Variants in KCNK12 observed in about 807,000 individuals in gnomAD.
KCNK12 encodes the protein potassium channel subfamily K member 12.
A neutral mutation model predicts 25.3 loss-of-function variants in KCNK12; 6 were observed. The ratio of observed to expected loss-of-function variants is 0.24; its 90% CI spans 0.13 to 0.47. The LOEUF is 0.47. Among genes scored for constraint, KCNK12 ranks in the 20% least tolerant of loss-of-function variants. The pLI is 0.99. For missense variants in KCNK12, 444 were observed against 661.7 expected (o/e 0.67, Z 3.61); for synonymous variants, 331 against 311.1 (o/e 1.06, Z -0.67).
rs993355372 is a variant in KCNK12 at position 47,513,411 on chromosome 2, T to A, written c.*7496A>T. Among the ~76,000 whole-genome samples, 3 of 152,216 alleles carry A rather than the reference T, an allele frequency of 2.0e-5. No homozygotes were observed. Among genetic ancestry groups the A allele is most frequent in the Non-Finnish European group, 4.4e-5 (3 of 68,028 alleles). Reference sequence around the variant, plus strand: ...CCCTTGGCTTTGTGGCATCCTGTGCTCTTGGTTTTCTCCCATATCTCTGAC... The same window carrying A: ...CCCTTGGCTTTGTGGCATCCTGTGCACTTGGTTTTCTCCCATATCTCTGAC... On this transcript the variant is annotated 3_prime_UTR_variant, in exon 2 of 2. Transcript: ENST00000327876.
chr2:47,555,740 G>A lies in KCNK12; in HGVS notation c.391+14201C>T, dbSNP rs1379675747. On this transcript the variant is annotated intron_variant, in intron 1 of 1. Coordinates refer to ENST00000327876, the MANE Select transcript of KCNK12 (RefSeq NM_022055.2). This position sits in a 1 kb window ranked among gnomAD's most constrained non-coding sequence, Gnocchi z 4.5. ...GTAGGGGAAAAGCTTTTCCTCTACAGGTGAGAGATTGTTTGGAGACAGTCC... is the reference window on the plus strand; with the variant it reads ...GTAGGGGAAAAGCTTTTCCTCTACAAGTGAGAGATTGTTTGGAGACAGTCC... 3.9e-5 allele frequency: 6 copies of A among 152,160 alleles called. No individual in the cohort carries two copies. Among genetic ancestry groups the A allele is most frequent in the Admixed American group, 3.9e-4 (6 of 15,272 alleles). 9.4% of individuals were successfully genotyped at this position (152,160 alleles called of 1,614,324 possible).
At chr2:47,523,865 A>G (rs1439492199) in intron 1 of KCNK12, among the ~76,000 whole-genome samples, 1 of 152,248 alleles carries the variant, frequency 6.6e-6, no homozygotes, top group African/African-American at 2.4e-5. Flanking sequence ...GTGCTCTGCC[A>G]GTGGGGTGGG....
chr2:47,553,665 A>G (rs181515792), intron 1 of KCNK12, among the ~76,000 whole-genome samples: 187 of 152,360 alleles, frequency 1.2e-3, no homozygotes, highest in Non-Finnish European at 2.0e-3. Flanking sequence ...TAAAATAGTC[A>G]TGATCACATT....
At chr2:47,541,121 G>A (rs1482996901) in intron 1 of KCNK12, among the ~76,000 whole-genome samples, 1 of 152,196 alleles carries the variant, frequency 6.6e-6, no homozygotes, top group Non-Finnish European at 1.5e-5. Context: ...GCCATTCATT[G>A]CTGTAGAGCT....
Position 47,509,826 on chromosome 2 carries a change from TC to T in KCNK12, c.*11080del, listed in dbSNP as rs914715936. ...CCAATTTGTGTAAGGCCAGGGGACTTCCCCCCCACTCCCCAACCTGAGGCAT... is the reference window on the plus strand; with the variant it reads ...CCAATTTGTGTAAGGCCAGGGGACTTCCCCCCACTCCCCAACCTGAGGCAT... On this transcript the variant is annotated 3_prime_UTR_variant, in exon 2 of 2. Coordinates refer to ENST00000327876, the MANE Select transcript of KCNK12 (RefSeq NM_022055.2). Among the ~76,000 whole-genome samples the T allele has an allele frequency of 1.3e-5, 2 of 151,692 alleles. No individual in the cohort carries two copies. Among genetic ancestry groups the T allele is most frequent in the Non-Finnish European group, 1.5e-5 (1 of 67,922 alleles).
At chr2:47,561,695 G>A (rs1377564892) in intron 1 of KCNK12, among the ~76,000 whole-genome samples, 1 of 152,228 alleles carries the variant, frequency 6.6e-6, no homozygotes, top group Non-Finnish European at 1.5e-5. Flanking sequence ...AGTCTTTAAA[G>A]TAACCCCATG....
In KCNK12 at chr2:47,555,447, C is replaced by G. The variant is rs1372108012; in HGVS notation, c.391+14494G>C. Among the ~76,000 whole-genome samples, 1 of 152,220 alleles carries G rather than the reference C, an allele frequency of 6.6e-6. No individual in the cohort carries two copies. The highest frequency in any genetic ancestry group is 1.5e-5 in the Non-Finnish European group (1 of 68,042). On this transcript the variant is annotated intron_variant, in intron 1 of 1. Coordinates refer to ENST00000327876, the MANE Select transcript of KCNK12 (RefSeq NM_022055.2). This position sits in a 1 kb window ranked among gnomAD's most constrained non-coding sequence, Gnocchi z 4.5. ...CTCTAGAGATTTTACAAGATTGAGT[C>G]TGCATAACAAACCTTACTAAAACCA... is the stretch of plus-strand genomic sequence containing the variant.
chr2:47,533,823 C>CTTGGTCCATCCAA lies in KCNK12; in HGVS notation c.392-12016_392-12015insTTGGATGGACCAA, dbSNP rs1157684314. On this transcript the variant is annotated intron_variant, in intron 1 of 1. Coordinates refer to ENST00000327876, the MANE Select transcript of KCNK12 (RefSeq NM_022055.2). This position sits in a 1 kb window ranked among gnomAD's most constrained non-coding sequence, Gnocchi z 4.7. ...GATTTGCAGAGCTGGATGGACTGCT[C>CTTGGTCCATCCAA]CCTGAGGACAGAAGCTCTTGGTTTT... Among the ~76,000 whole-genome samples, 6 of 152,172 alleles carry CTTGGTCCATCCAA rather than the reference C, an allele frequency of 3.9e-5. No homozygotes were observed. The highest frequency in any genetic ancestry group is 1.4e-4 in the African/African-American group (6 of 41,428).
chr2:47,534,363 G>A (rs907737353), intron 1 of KCNK12, among the ~76,000 whole-genome samples: 1 of 151,886 alleles, frequency 6.6e-6, no homozygotes, highest in African/African-American at 2.4e-5. Flanking sequence ...ACCTCTCCTG[G>A]GGAGCAGCTG....
At position 47,521,519 on chromosome 2, in the gene KCNK12, CAGCAGCACGGCGAACAGGCCCAGGATG is replaced by C; in HGVS notation, c.654_680del (p.Ile219_Leu227del). The C allele has an allele frequency of 6.3e-7, 1 of 1,580,940 alleles. No homozygotes were observed. Among genetic ancestry groups the C allele is most frequent in the Non-Finnish European group, 8.6e-7 (1 of 1,163,666 alleles). On this transcript the variant is annotated inframe_deletion, in exon 2 of 2. Transcript: ENST00000327876. ...TGTACATGGCCGAGGCGCAGCAGGA[CAGCAGCACGGCGAACAGGCCCAGGATG>C]AGCAGCACGTGGTACACCGAGGGCT...
In KCNK12 at chr2:47,551,662, AC is replaced by A. The variant is rs1669435599; in HGVS notation, c.391+18278del. ...AAGTATGACGTGTGAAATCAGTATT[AC>A]CCCCTACCCCACACGGCACCATATT... On this transcript the variant is annotated intron_variant, in intron 1 of 1. Transcript: ENST00000327876. This position sits in a 1 kb window ranked among gnomAD's most constrained non-coding sequence, Gnocchi z 5.3. Among the ~76,000 whole-genome samples the A allele has an allele frequency of 1.3e-5, 2 of 151,930 alleles. No homozygotes were observed. The highest frequency in any genetic ancestry group is 2.9e-5 in the Non-Finnish European group (2 of 67,990).
In KCNK12 at chr2:47,513,998, C is replaced by T. The variant is rs530707896; in HGVS notation, c.*6909G>A. ...AACCCCTCCACTGGCTTGCCAGTGT[C>T]CTCAGGATTAGGCGAAAAGTCTTTG... On this transcript the variant is annotated 3_prime_UTR_variant, in exon 2 of 2. Transcript: ENST00000327876. Among the ~76,000 whole-genome samples the T allele has an allele frequency of 1.3e-5, 2 of 152,308 alleles. No individual in the cohort carries two copies. The highest frequency in any genetic ancestry group is 4.1e-4 in the South Asian group (2 of 4,820).
rs1164926344 is a variant in KCNK12 at position 47,525,162 on chromosome 2, C to T, written c.392-3354G>A. 6.6e-6 allele frequency among the ~76,000 whole-genome samples: 1 copy of T among 152,206 alleles called. No homozygotes were observed. Among genetic ancestry groups the T allele is most frequent in the East Asian group, 1.9e-4 (1 of 5,196 alleles). On this transcript the variant is annotated intron_variant, in intron 1 of 1. Transcript: ENST00000327876. This position sits in a 1 kb window ranked among gnomAD's most constrained non-coding sequence, Gnocchi z 4.1. ...ATCCATGCTGGACTTAATAAAACAGCAAAACAGGTCTGGGGCTAGCAACCC... is the reference window on the plus strand; with the variant it reads ...ATCCATGCTGGACTTAATAAAACAGTAAAACAGGTCTGGGGCTAGCAACCC...
In KCNK12 at chr2:47,538,274, C is replaced by T. The variant is rs941359536; in HGVS notation, c.392-16466G>A. ...GCCTGTGAGAAAGTGGCAAGTACTACAAAAAATAAAAAATAGAGCAGGCTA... is the reference window on the plus strand; with the variant it reads ...GCCTGTGAGAAAGTGGCAAGTACTATAAAAAATAAAAAATAGAGCAGGCTA... On this transcript the variant is annotated intron_variant, in intron 1 of 1. Transcript: ENST00000327876. This position sits in a 1 kb window ranked among gnomAD's most constrained non-coding sequence, Gnocchi z 4.5. Among the ~76,000 whole-genome samples the T allele has an allele frequency of 2.0e-5, 3 of 151,970 alleles. No homozygotes were observed. Among genetic ancestry groups the T allele is most frequent in the Non-Finnish European group, 4.4e-5 (3 of 67,986 alleles).
At chr2:47,552,432 A>AT (rs1330638144) in intron 1 of KCNK12, among the ~76,000 whole-genome samples, 2 of 152,150 alleles carry the variant, frequency 1.3e-5, no homozygotes, top group South Asian at 2.1e-4. Flanking sequence ...CCTTCCCCCC[A>AT]TTATGAGACA....
rs1668590075 is a variant in KCNK12, at chr2:47,519,159, C to A, written c.*1748G>T. 6.6e-6 allele frequency: 1 copy of A among 152,348 alleles called. No homozygotes were observed. The highest frequency in any genetic ancestry group is 6.5e-5 in the Admixed American group (1 of 15,308). The allele number at this position is 152,348 out of a possible 1,614,324, so 9.4% of individuals were successfully genotyped here. A position where few individuals can be genotyped will look rare whatever the true frequency, so the allele number is the denominator to read the frequency against. On this transcript the variant is annotated 3_prime_UTR_variant, in exon 2 of 2. Transcript: ENST00000327876. Reference sequence around the variant, plus strand: ...AGGGCCTGTGTTTAAAAACCAATCCCAACTCAAATCAGAAATTACCCAAAA... The same window carrying A: ...AGGGCCTGTGTTTAAAAACCAATCCAAACTCAAATCAGAAATTACCCAAAA...
chr2:47,527,906 A>G (rs1364404092), intron 1 of KCNK12: 1 of 152,314 alleles, frequency 6.6e-6, no homozygotes, highest in East Asian at 1.9e-4. Flanking sequence ...GTGGAAAACC[A>G]GACAGATGCA....
rs1668882442 is a variant in KCNK12, at chr2:47,529,973, G to T, written c.392-8165C>A. Among the ~76,000 whole-genome samples, 1 of 152,098 alleles carries T rather than the reference G, an allele frequency of 6.6e-6. No homozygotes were observed. Reference sequence around the variant, plus strand: ...GCTGTCTTTTTATTTCCTAAACCTGGCAACCCTACTCATGACTCCACTTGT... The same window carrying T: ...GCTGTCTTTTTATTTCCTAAACCTGTCAACCCTACTCATGACTCCACTTGT... On this transcript the variant is annotated intron_variant, in intron 1 of 1. Transcript: ENST00000327876. The surrounding 1 kb of genome is among the most constrained non-coding windows in gnomAD (Gnocchi z 4.3).
At position 47,562,106 on chromosome 2, in the gene KCNK12, G is replaced by A. The variant is rs961396442; in HGVS notation, c.391+7835C>T. 47 of 398,518 alleles carry A rather than the reference G, an allele frequency of 1.2e-4. 1 individual carries two copies. Among genetic ancestry groups the A allele is most frequent in the African/African-American group, 9.3e-4 (45 of 48,628 alleles). 24.7% of individuals were successfully genotyped at this position (398,518 alleles called of 1,614,324 possible). On this transcript the variant is annotated intron_variant, in intron 1 of 1. Coordinates refer to ENST00000327876, the MANE Select transcript of KCNK12 (RefSeq NM_022055.2). This position sits in a 1 kb window ranked among gnomAD's most constrained non-coding sequence, Gnocchi z 4.8. ...TACCCTAGCGACTCCAAGTGCATCA[G>A]CATAGGCATTGCCAGGAGCTCATGA...
Sources: gnomAD v4.1 joint callset for allele counts (sites outside exome capture counted in the v4.1 genomes callset) on GRCh38, gnomAD v4.1.1 for gene constraint, Gnocchi (gnomAD v3.1) non-coding constraint, MANE v1.5 for transcripts, NCBI Gene and HGNC (gene_info 2026-07-23, HGNC 2026-07-21) for gene names.